TMEM64: variants seen among roughly 807,000 people sequenced by gnomAD.
The protein encoded by TMEM64 is transmembrane protein 64.
Under a neutral mutation model 24.5 loss-of-function variants are expected in TMEM64, and 19 were observed. The observed-to-expected ratio is 0.78, with a 90% CI of 0.54 to 1.14. The LOEUF is 1.14. Among genes scored for constraint, TMEM64 ranks in the 50% most tolerant of loss-of-function variants. TMEM64 has a pLI of 0.00. For missense variants in TMEM64, 487 were observed against 493.0 expected, an observed-to-expected ratio of 0.99 and a Z score of 0.12; for synonymous variants, 262 against 224.7, an observed-to-expected ratio of 1.17 and a Z score of -1.49.
chr8:90,630,184 C>T (rs1809416293), intron 2 of TMEM64, among the ~76,000 whole-genome samples: 1 of 152,138 alleles, frequency 6.6e-6, no homozygotes, highest in African/African-American at 2.4e-5. Context: ...AAGTCCCTTA[C>T]ATAAAATGGC....
At chr8:90,628,980 T>C (rs1311216204) in intron 2 of TMEM64, among the ~76,000 whole-genome samples, 1 of 152,220 alleles carries the variant, frequency 6.6e-6, no homozygotes. Flanking sequence ...ACAGTTATTT[T>C]GTATTGCTTT....
rs527704771 is a variant in TMEM64 at position 90,644,037 on chromosome 8, G to A, written c.795+1074C>T. 1.6e-3 allele frequency among the ~76,000 whole-genome samples: 247 copies of A among 152,266 alleles called. 1 individual carries two copies. The highest frequency in any genetic ancestry group is 5.0e-3 in the South Asian group (24 of 4,826). ...TTTCCAGAAACTAACAATAATTTACGTTTTGAAACAAAATAATGCATCAGA... is the reference window on the plus strand; with the variant it reads ...TTTCCAGAAACTAACAATAATTTACATTTTGAAACAAAATAATGCATCAGA... On this transcript the variant is annotated intron_variant, in intron 1 of 2. Transcript: ENST00000458549.
At position 90,645,332 on chromosome 8, in the gene TMEM64, C is replaced by T; in HGVS notation, c.574G>A (p.Val192Met). 6.4e-7 allele frequency: 1 copy of T among 1,560,044 alleles called. No homozygotes were observed. The highest frequency in any genetic ancestry group is 8.7e-7 in the Non-Finnish European group (1 of 1,151,674). ...ACCATCATCAGACCCATGCCCAGCA[C>T]GAAGCCGTACAGGTAGCCAGCGGCC... Reference protein sequence around the residue: ...NVAAGYLYGFVLGMGLMMVGV... With the variant: ...NVAAGYLYGFMLGMGLMMVGV... Residue 192 changes from valine to methionine, a missense_variant, in exon 1 of 3, where the codon GTG (valine) becomes ATG (methionine). Around this residue, in one of 3 missense-constraint regions of TMEM64, gnomAD observed 419 missense variants for 407.5 expected, o/e 1.03. Transcript: ENST00000458549. This position sits in a 1 kb window ranked among gnomAD's most constrained non-coding sequence, Gnocchi z 4.2.
intron 1 of TMEM64, among the ~76,000 whole-genome samples, chr8:90,632,941 T>A (rs1203143994): frequency 6.6e-6 from 1 of 152,250 alleles, no homozygotes. Context: ...CTTTATTTTT[T>A]GAATATATGT....
chr8:90,641,421 C>T (rs1809602956), intron 1 of TMEM64, among the ~76,000 whole-genome samples: 1 of 152,270 alleles, frequency 6.6e-6, no homozygotes, highest in South Asian at 2.1e-4. Context: ...GTATGCCATA[C>T]AAAATTGGGC....
At chr8:90,638,366 C>A (rs1273747510) in intron 1 of TMEM64, among the ~76,000 whole-genome samples, 1 of 152,166 alleles carries the variant, frequency 6.6e-6, no homozygotes, top group Non-Finnish European at 1.5e-5. Context: ...TCTTCCCACT[C>A]CATTTACTCC....
chr8:90,631,762 C>T, intron 1 of TMEM64, 55 bp from the exon 2 acceptor site: 3 of 1,501,610 alleles, frequency 2.0e-6, no homozygotes, highest in Non-Finnish European at 2.7e-6. Flanking sequence ...TTCAATTCAA[C>T]ATAAAAAAAT....
Position 90,625,798 on chromosome 8 carries a change from G to A in TMEM64, c.1016C>T (p.Ala339Val). Residue 339 changes from alanine to valine, a missense_variant, in exon 3 of 3, where the codon GCT (alanine) becomes GTT (valine). By Grantham distance (64) the Ala-to-Val change is moderately conservative. Coordinates refer to ENST00000458549, the MANE Select transcript of TMEM64 (RefSeq NM_001008495.4). ...VHRAQVELNA[A>V]IVACEMELKS... is the part of the protein sequence containing the mutation. ...CAGTTCCATTTCACAAGCTACAATA[G>A]CTGCATTCAATTCCACTTGAGCTCG... The A allele has an allele frequency of 6.2e-7, 1 of 1,613,854 alleles. No individual in the cohort carries two copies. Among genetic ancestry groups the A allele is most frequent in the Non-Finnish European group, 8.5e-7 (1 of 1,179,880 alleles).
chr8:90,632,228 C>G (rs1478044197), intron 1 of TMEM64, among the ~76,000 whole-genome samples: 2 of 151,982 alleles, frequency 1.3e-5, no homozygotes, highest in Non-Finnish European at 2.9e-5. Context: ...CTCACTGCAA[C>G]CTCCACCACC....
In TMEM64 at chr8:90,623,703, T is replaced by C. The variant is rs1283180849; in HGVS notation, c.*1968A>G. The C allele has an allele frequency of 6.6e-6, 1 of 152,516 alleles. No individual in the cohort carries two copies. The highest frequency in any genetic ancestry group is 1.5e-5 in the Non-Finnish European group (1 of 67,966). The allele number at this position is 152,516 out of a possible 1,614,324, so 9.4% of individuals were successfully genotyped here. On this transcript the variant is annotated 3_prime_UTR_variant, in exon 3 of 3. Transcript: ENST00000458549. ...CCAAAATGTATTCATTTGGTGAAAT[T>C]ATTCAAGTCACAAATGCTTAGTAAA...
At chr8:90,629,953 T>C (rs1809413506) in intron 2 of TMEM64, among the ~76,000 whole-genome samples, 1 of 152,144 alleles carries the variant, frequency 6.6e-6, no homozygotes, top group Non-Finnish European at 1.5e-5. Context: ...TTAAATAAGA[T>C]AGGGCCTCAA....
At position 90,645,028 on chromosome 8, in the gene TMEM64, C is replaced by A; in HGVS notation, c.795+83G>T. 7.1e-7 allele frequency: 1 copy of A among 1,413,360 alleles called. No homozygotes were observed. 87.6% of individuals were successfully genotyped at this position (1,413,360 alleles called of 1,614,324 possible). A position where few individuals can be genotyped will look rare whatever the true frequency, so the allele number is the denominator to read the frequency against. On this transcript the variant is annotated intron_variant, in intron 1 of 2. Coordinates refer to ENST00000458549, the MANE Select transcript of TMEM64 (RefSeq NM_001008495.4). The surrounding 1 kb of genome is among the most constrained non-coding windows in gnomAD (Gnocchi z 4.2). ...ATGTCACTTCTCTGCTGGTATTTAT[C>A]TGATAGAGCGCCCTCCTAGGGCCGC...
Position 90,645,222 on chromosome 8 carries a change from G to C in TMEM64, c.684C>G (p.Ser228Arg). The change falls in exon 1 of 3, where the codon AGC becomes AGG. Residue 228 changes from serine (S) to arginine (R), a missense_variant. By Grantham distance (110) the Ser-to-Arg change is moderately radical. Transcript: ENST00000458549. This position sits in a 1 kb window ranked among gnomAD's most constrained non-coding sequence, Gnocchi z 4.2. ...CGCGAATAACCGCGCTCAGCTTCTC[G>C]CTGCTCTGGATCCTGGCGGCCACCC... is the stretch of plus-strand genomic sequence containing the variant. ...TAWVAARIQS[S>R]EKLSAVIRVV... 6.2e-7 allele frequency: 1 copy of C among 1,614,106 alleles called. No homozygotes were observed. Among genetic ancestry groups the C allele is most frequent in the Non-Finnish European group, 8.5e-7 (1 of 1,180,006 alleles).
chr8:90,635,731 A>G (rs565633522), intron 1 of TMEM64, among the ~76,000 whole-genome samples: 1 of 152,336 alleles, frequency 6.6e-6, no homozygotes, highest in Admixed American at 6.5e-5. Flanking sequence ...ATGTCAAATA[A>G]AGAAAATGAG....
At chr8:90,640,723 C>T (rs1365506872) in intron 1 of TMEM64, among the ~76,000 whole-genome samples, 1 of 152,168 alleles carries the variant, frequency 6.6e-6, no homozygotes, top group Non-Finnish European at 1.5e-5. Flanking sequence ...TAGCTCAATG[C>T]AAACTCAAAG....
At chr8:90,643,769 A>C (rs981920662) in intron 1 of TMEM64, among the ~76,000 whole-genome samples, 5 of 152,252 alleles carry the variant, frequency 3.3e-5, no homozygotes, top group Non-Finnish European at 5.9e-5. Context: ...GGTATGAAAA[A>C]GAAATTTAAG....
chr8:90,640,478 C>G (rs1809588645), intron 1 of TMEM64, among the ~76,000 whole-genome samples: 1 of 152,138 alleles, frequency 6.6e-6, no homozygotes, highest in Non-Finnish European at 1.5e-5. Context: ...AAAGCAAACT[C>G]TGACCTCATC....
intron 1 of TMEM64, among the ~76,000 whole-genome samples, chr8:90,635,906 T>C (rs145178415): frequency 1.6e-4 from 24 of 152,336 alleles, no homozygotes; most frequent in African/African-American, 5.5e-4. Flanking sequence ...CTTCTCTAAA[T>C]AGAACACATA....
rs1430539078 is a variant in TMEM64 at position 90,645,130 on chromosome 8, A to G, written c.776T>C (p.Leu259Pro). The G allele has an allele frequency of 1.9e-6, 3 of 1,607,362 alleles. No individual in the cohort carries two copies. The highest frequency in any genetic ancestry group is 1.7e-5 in the Admixed American group (1 of 59,850). The change falls in exon 1 of 3, where the codon CTT (leucine) becomes CCT (proline). Residue 259 changes from leucine to proline, a missense_variant. Leu to Pro is a moderately conservative substitution (Grantham distance 98, BLOSUM62 -3). Coordinates refer to ENST00000458549, the MANE Select transcript of TMEM64 (RefSeq NM_001008495.4). The surrounding 1 kb of genome is among the most constrained non-coding windows in gnomAD (Gnocchi z 4.2). The stretch of plus-strand genomic sequence containing the variant: ...ACTTACCGAAAACACTGCATTCTGA[A>G]GCCCAAAAGGTATGGGTGTCAGTCT... ...LARLTPIPFG[L>P]QNAVFSITDL...
Sources: gnomAD v4.1 joint callset for allele counts (sites outside exome capture counted in the v4.1 genomes callset) on GRCh38, gnomAD v4.1.1 for gene constraint, gnomAD v4.1.1 regional missense constraint, Gnocchi (gnomAD v3.1) non-coding constraint, MANE v1.5 for transcripts, NCBI Gene and HGNC (gene_info 2026-07-23, HGNC 2026-07-21) for gene names.